RANBP2: variants seen among roughly 807,000 people sequenced by gnomAD.
The protein encoded by RANBP2 is RAN binding protein 2, also known as E3 SUMO-protein ligase RanBP2.
In RANBP2, 57 loss-of-function variants were observed where a neutral mutation model predicts 303.6. The ratio of observed to expected loss-of-function variants is 0.19; its 90% CI spans 0.15 to 0.23. The LOEUF is 0.23. Among genes scored for constraint, RANBP2 ranks in the 10% least tolerant of loss-of-function variants. The pLI, the probability that RANBP2 is intolerant of heterozygous loss-of-function variation, is 1.00. For synonymous variants in RANBP2, 1,167 were observed against 1,301.5 expected, an observed-to-expected ratio of 0.90 and a Z score of 2.23; for missense variants, 3,138 against 3,780.8, an observed-to-expected ratio of 0.83 and a Z score of 4.46.
the RANBP2 span, among the ~76,000 whole-genome samples, chr2:109,249,544 C>T: frequency 0.012 from 1,154 of 99,402 alleles, 13 homozygotes; most frequent in South Asian, 0.025. Context: ...TCCTTCCTTC[C>T]TTCCTTCCTT....
the RANBP2 span, among the ~76,000 whole-genome samples, chr2:109,102,609 T>A: frequency 6.6e-6 from 1 of 152,104 alleles, no homozygotes; most frequent in African/African-American, 2.4e-5. Context: ...CTTCGGTAGT[T>A]AGGAATAATA....
the RANBP2 span, among the ~76,000 whole-genome samples, chr2:108,821,038 T>TG: frequency 6.6e-6 from 1 of 152,068 alleles, no homozygotes; most frequent in African/African-American, 2.4e-5. Flanking sequence ...TGTAAGTCTA[T>TG]GTTAGGGGTT....
the RANBP2 span, among the ~76,000 whole-genome samples, chr2:109,046,173 G>A: frequency 4.7e-3 from 704 of 151,360 alleles, 5 homozygotes; most frequent in African/African-American, 0.016. Flanking sequence ...GTGTGGTGGC[G>A]GGCGCCTGTA....
At chr2:109,120,968 T>C in the RANBP2 span, among the ~76,000 whole-genome samples, 4 of 152,276 alleles carry the variant, frequency 2.6e-5, no homozygotes, top group African/African-American at 9.6e-5. Flanking sequence ...AAGTTCTGGC[T>C]GGGCGCGGTG....
At chr2:108,960,787 T>C in the RANBP2 span, among the ~76,000 whole-genome samples, 1 of 152,230 alleles carries the variant, frequency 6.6e-6, no homozygotes, top group Non-Finnish European at 1.5e-5. Context: ...AGGAGTCATA[T>C]CGTATATTGA....
chr2:109,576,843 T>C, the RANBP2 span, among the ~76,000 whole-genome samples: 1 of 152,134 alleles, frequency 6.6e-6, no homozygotes, highest in Non-Finnish European at 1.5e-5. Flanking sequence ...ACAGAAGATA[T>C]AATGAGAAGA....
At chr2:109,022,975 T>C in the RANBP2 span, among the ~76,000 whole-genome samples, 4 of 151,880 alleles carry the variant, frequency 2.6e-5, no homozygotes, top group African/African-American at 9.7e-5. Context: ...CACTTGAACC[T>C]GGGAGGTGGA....
the RANBP2 span, among the ~76,000 whole-genome samples, chr2:109,069,727 T>C: frequency 6.6e-6 from 1 of 152,242 alleles, no homozygotes; most frequent in Non-Finnish European, 1.5e-5. Flanking sequence ...ATAACACTTT[T>C]TTTCTTCTTT....
At chr2:109,256,284 A>G in the RANBP2 span, among the ~76,000 whole-genome samples, 1 of 152,190 alleles carries the variant, frequency 6.6e-6, no homozygotes. Flanking sequence ...GGTTGAGCGT[A>G]TTACTGGGAG....
chr2:108,794,354 G>C, the RANBP2 span: 678 of 159,070 alleles, frequency 4.3e-3, 3 homozygotes, highest in Non-Finnish European at 5.2e-3. Flanking sequence ...ATCAATTGCT[G>C]TATACCCTTC....
At chr2:108,818,422 TAAAA>T in the RANBP2 span, among the ~76,000 whole-genome samples, 1 of 152,200 alleles carries the variant, frequency 6.6e-6, no homozygotes, top group Non-Finnish European at 1.5e-5. Context: ...CATCTGTAAA[TAAAA>T]AGTTGTCTGT....
the RANBP2 span, among the ~76,000 whole-genome samples, chr2:108,914,409 C>T: frequency 6.6e-6 from 1 of 152,194 alleles, no homozygotes; most frequent in Admixed American, 6.5e-5. Flanking sequence ...CATGTTTTTA[C>T]ATGGTTGTGA....
At chr2:109,545,247 C>T in the RANBP2 span, 2 of 1,363,646 alleles carry the variant, frequency 1.5e-6, no homozygotes, top group Non-Finnish European at 1.9e-6. Context: ...TGAATTTCCT[C>T]AAGAGCCAAA....
the RANBP2 span, among the ~76,000 whole-genome samples, chr2:109,626,452 G>A: frequency 6.6e-6 from 1 of 151,130 alleles, no homozygotes; most frequent in Non-Finnish European, 1.5e-5. Flanking sequence ...CTGGGCAAAA[G>A]AGTGAGACTC....
At chr2:109,367,512 C>G in the RANBP2 span, among the ~76,000 whole-genome samples, 1 of 151,942 alleles carries the variant, frequency 6.6e-6, no homozygotes, top group East Asian at 1.9e-4. Context: ...GAACTCCTGA[C>G]CTCAGGTGAT....
the RANBP2 span, among the ~76,000 whole-genome samples, chr2:109,731,092 G>A: frequency 6.6e-6 from 1 of 151,682 alleles, no homozygotes; most frequent in African/African-American, 2.4e-5. Context: ...CCGGCCAAGG[G>A]GCCTCTTTTA....
the RANBP2 span, chr2:109,128,283 G>A: frequency 6.6e-6 from 1 of 152,266 alleles, no homozygotes; most frequent in African/African-American, 2.4e-5. Context: ...CGTCGGGAAG[G>A]AGAGCGCGAA....
chr2:108,719,708 T>G (rs370200657), intron 1 of RANBP2, 30 bp downstream of exon 1: 3 of 1,575,112 alleles, frequency 1.9e-6, no homozygotes, highest in Non-Finnish European at 2.6e-6. Flanking sequence ...ACCGACGGCC[T>G]CGACCTGGCC....
chr2:109,081,668 C>T, the RANBP2 span, among the ~76,000 whole-genome samples: 20 of 152,194 alleles, frequency 1.3e-4, no homozygotes, highest in African/African-American at 4.3e-4. Context: ...TCCTGGTAAC[C>T]TTGCCCATCC....
Sources: gnomAD v4.1 joint callset for allele counts (sites outside exome capture counted in the v4.1 genomes callset) on GRCh38, gnomAD v4.1.1 for gene constraint, MANE v1.5 for transcripts, NCBI Gene and HGNC (gene_info 2026-07-23, HGNC 2026-07-21) for gene names.